PDGFC: variants seen among roughly 807,000 people sequenced by gnomAD.
PDGFC encodes platelet-derived growth factor C.
Under a neutral mutation model 35.5 loss-of-function variants are expected in PDGFC, and 12 were observed. The observed-to-expected ratio is 0.34, with a 90% CI of 0.22 to 0.55. PDGFC has a LOEUF of 0.55. PDGFC is among the 20% of genes least tolerant of loss of function. The pLI is 0.91. For missense variants in PDGFC, 322 were observed against 412.4 expected (o/e 0.78, Z 1.90); for synonymous variants, 159 against 148.8 (o/e 1.07, Z -0.50).
chr4:156,947,034 G>A (rs1050139410), intron 1 of PDGFC, among the ~76,000 whole-genome samples: 1 of 152,080 alleles, frequency 6.6e-6, no homozygotes, highest in Admixed American at 6.6e-5. Flanking sequence ...TAGTAAAGCA[G>A]TGTTAATGAG....
chr4:156,883,229 T>G (rs1730290028), intron 1 of PDGFC, among the ~76,000 whole-genome samples: 1 of 152,210 alleles, frequency 6.6e-6, no homozygotes, highest in Admixed American at 6.5e-5. Flanking sequence ...GTTATATTTT[T>G]CTATTATTTC....
chr4:156,788,288 C>T (rs1319435192), intron 3 of PDGFC, among the ~76,000 whole-genome samples: 1 of 152,008 alleles, frequency 6.6e-6, no homozygotes, highest in African/African-American at 2.4e-5. Context: ...CCTAGGTGTC[C>T]ACAGAGAATC....
At chr4:156,821,280 G>A (rs1400277886) in intron 2 of PDGFC, among the ~76,000 whole-genome samples, 2 of 151,974 alleles carry the variant, frequency 1.3e-5, no homozygotes, top group South Asian at 2.1e-4. Flanking sequence ...ACAGGCTGGA[G>A]TACAGTGGTG....
At chr4:156,865,210 A>ACG (rs1483035213) in intron 1 of PDGFC, among the ~76,000 whole-genome samples, 2 of 151,984 alleles carry the variant, frequency 1.3e-5, no homozygotes, top group South Asian at 4.2e-4. Flanking sequence ...ACACACACAC[A>ACG]CACGCAGATA....
intron 1 of PDGFC, among the ~76,000 whole-genome samples, chr4:156,900,467 A>G (rs563721778): frequency 7.9e-5 from 12 of 152,300 alleles, no homozygotes; most frequent in South Asian, 6.2e-4. Flanking sequence ...GGGTGGAGTC[A>G]GAGAAGTAAT....
rs1408700665 is a variant in PDGFC, at chr4:156,797,227, C to A, written c.495+13610G>T. Among the ~76,000 whole-genome samples the A allele has an allele frequency of 6.4e-5, 9 of 140,554 alleles. No individual in the cohort carries two copies. In the East Asian group the frequency reaches 1.9e-3, roughly 30 times the overall value. The allele number at this position is 140,554 out of a possible 152,430, so 92.2% of individuals were successfully genotyped here. A position where few individuals can be genotyped will look rare whatever the true frequency, so the allele number is the denominator to read the frequency against. ...CACTCCACCCTGTGCGACAGAGCGA[C>A]AATCAGTCTAAAAAAAAAAAAGAAA... On this transcript the variant is annotated intron_variant, in intron 3 of 5. Transcript: ENST00000502773.
At chr4:156,911,161 G>A (rs896604642) in intron 1 of PDGFC, among the ~76,000 whole-genome samples, 1 of 152,066 alleles carries the variant, frequency 6.6e-6, no homozygotes, top group Non-Finnish European at 1.5e-5. Context: ...GTTTCATGAG[G>A]AAAATTGAAC....
intron 2 of PDGFC, among the ~76,000 whole-genome samples, chr4:156,844,295 A>C (rs1026452775): frequency 1.4e-4 from 22 of 152,292 alleles, no homozygotes; most frequent in African/African-American, 5.1e-4. Context: ...TTCAGTGTGC[A>C]CTTCTAAAGT....
chr4:156,827,805 A>C (rs1264226681), intron 2 of PDGFC, among the ~76,000 whole-genome samples: 1 of 150,246 alleles, frequency 6.7e-6, no homozygotes, highest in Non-Finnish European at 1.5e-5. Flanking sequence ...CACTGTTATC[A>C]CCAAAGACAA....
At chr4:156,814,381 A>G (rs775058717) in intron 2 of PDGFC, among the ~76,000 whole-genome samples, 20 of 152,166 alleles carry the variant, frequency 1.3e-4, no homozygotes, top group Non-Finnish European at 2.4e-4. Context: ...CTGTGAGGGA[A>G]GGTGCAGACG....
chr4:156,950,302 G>A (rs1459065887), intron 1 of PDGFC, among the ~76,000 whole-genome samples: 2 of 151,872 alleles, frequency 1.3e-5, no homozygotes, highest in Non-Finnish European at 2.9e-5. Context: ...GCTGGAATGA[G>A]ACTGTATATG....
At chr4:156,804,044 G>C (rs1263633739) in intron 3 of PDGFC, among the ~76,000 whole-genome samples, 2 of 151,940 alleles carry the variant, frequency 1.3e-5, no homozygotes, top group East Asian at 3.9e-4. Context: ...GAAACTGAAA[G>C]ATATCTACCT....
chr4:156,921,641 C>T (rs895005638), intron 1 of PDGFC, among the ~76,000 whole-genome samples: 1 of 152,058 alleles, frequency 6.6e-6, no homozygotes, highest in South Asian at 2.1e-4. Context: ...ACCTTTACAA[C>T]GAAGCTTTTA....
chr4:156,799,453 A>G (rs2110909225), intron 3 of PDGFC, among the ~76,000 whole-genome samples: 1 of 152,330 alleles, frequency 6.6e-6, no homozygotes, highest in African/African-American at 2.4e-5. Context: ...AACTTACTGT[A>G]GGAGTGCCTA....
intron 1 of PDGFC, among the ~76,000 whole-genome samples, chr4:156,935,751 A>C (rs1389953852): frequency 3.3e-5 from 5 of 152,334 alleles, no homozygotes; most frequent in Middle Eastern, 3.4e-3. Context: ...TAAGAGCCAT[A>C]GCAGCAACAG....
rs116167099 is a variant in PDGFC at position 156,941,782 on chromosome 4, T to C, written c.118+29004A>G. Among the ~76,000 whole-genome samples, 723 of 152,208 alleles carry C rather than the reference T, an allele frequency of 4.8e-3. 10 individuals carry two copies. Among genetic ancestry groups the C allele is most frequent in the African/African-American group, 0.016 (682 of 41,534 alleles). On this transcript the variant is annotated intron_variant, in intron 1 of 5. Coordinates refer to ENST00000502773, the MANE Select transcript of PDGFC (RefSeq NM_016205.3). ...GATAAAATAAGATACCATATATTCGTTGAAGGAATACCAACAATTCTGAGA... is the reference window on the plus strand; with the variant it reads ...GATAAAATAAGATACCATATATTCGCTGAAGGAATACCAACAATTCTGAGA...
At chr4:156,846,899 T>C (rs893122866) in intron 2 of PDGFC, among the ~76,000 whole-genome samples, 1 of 151,762 alleles carries the variant, frequency 6.6e-6, no homozygotes, top group Admixed American at 6.6e-5. Flanking sequence ...TCATCAACCA[T>C]CATACTCAAT....
intron 3 of PDGFC, among the ~76,000 whole-genome samples, chr4:156,776,353 T>G (rs78038533): frequency 0.019 from 2,961 of 152,322 alleles, 37 homozygotes; most frequent in Middle Eastern, 0.034. Context: ...TTATTCTTCA[T>G]AAAAATATGA....
chr4:156,948,658 C>T (rs1732004604), intron 1 of PDGFC, among the ~76,000 whole-genome samples: 1 of 151,948 alleles, frequency 6.6e-6, no homozygotes, highest in African/African-American at 2.4e-5. Flanking sequence ...TTGGAAAATA[C>T]TATGTATTTT....
Sources: allele counts gnomAD v4.1 joint callset (sites outside exome capture counted in the v4.1 genomes callset), GRCh38; gene constraint gnomAD v4.1.1; transcripts MANE v1.5; gene names NCBI Gene and HGNC (gene_info 2026-07-23, HGNC 2026-07-21).